Variants in GALNT3 observed in about 807,000 individuals in gnomAD.
The protein encoded by GALNT3 is polypeptide N-acetylgalactosaminyltransferase 3.
In GALNT3, 51 loss-of-function variants were observed where a neutral mutation model predicts 69.8. That is an observed-to-expected ratio of 0.73 (90% CI 0.58 to 0.92). The LOEUF is 0.92. GALNT3 is among the 40% of genes least tolerant of loss of function. The pLI is 0.00. For missense variants in GALNT3, 711 were observed against 760.0 expected (o/e 0.94, Z 0.76); for synonymous variants, 265 against 248.5 (o/e 1.07, Z -0.63).
intron 1 of GALNT3, among the ~76,000 whole-genome samples, chr2:165,778,487 T>G (rs1419263236): frequency 6.6e-6 from 1 of 152,202 alleles, no homozygotes; most frequent in Non-Finnish European, 1.5e-5. Context: ...AACAGGAAAT[T>G]GCCTAGTGGG....
At chr2:165,782,811 T>C (rs1317488553) in intron 1 of GALNT3, among the ~76,000 whole-genome samples, 1 of 152,172 alleles carries the variant, frequency 6.6e-6, no homozygotes, top group Non-Finnish European at 1.5e-5. Context: ...TCTGGGAGTG[T>C]GAATTGACTT....
chr2:165,761,839 T>G, intron 4 of GALNT3, 66 bp downstream of exon 4: 2 of 1,554,770 alleles, frequency 1.3e-6, no homozygotes, highest in East Asian at 4.5e-5. Flanking sequence ...AAAGACTTCC[T>G]TACCTTTTAA....
At chr2:165,788,529 A>G (rs965140073) in intron 1 of GALNT3, among the ~76,000 whole-genome samples, 2 of 150,562 alleles carry the variant, frequency 1.3e-5, no homozygotes, top group Admixed American at 1.3e-4. Context: ...GCAAAAGCAG[A>G]CTATATTTAT....
intron 1 of GALNT3, among the ~76,000 whole-genome samples, chr2:165,786,177 G>C (rs560645808): frequency 5.3e-5 from 8 of 152,270 alleles, no homozygotes; most frequent in African/African-American, 1.7e-4. Flanking sequence ...AGTAGATATT[G>C]CCAAATATTG....
chr2:165,749,796 GGTACATGCCT>G lies in GALNT3; in HGVS notation c.1715_1724del (p.Lys572ThrfsTer28). The G allele has an allele frequency of 6.2e-7, 1 of 1,613,584 alleles. No individual in the cohort carries two copies. The highest frequency in any genetic ancestry group is 8.5e-7 in the Non-Finnish European group (1 of 1,179,604). On this transcript the variant is annotated frameshift_variant, in exon 10 of 11. Coordinates refer to ENST00000392701, the MANE Select transcript of GALNT3 (RefSeq NM_004482.4). LOFTEE classifies it high-confidence loss of function. ...TGACAACTGTCTTGTGACCTTTGTAGGTACATGCCTTCAGCTGAACGAGACCTTGAGCAGC... is the reference window on the plus strand; with the variant it reads ...TGACAACTGTCTTGTGACCTTTGTAGTCAGCTGAACGAGACCTTGAGCAGC...
chr2:165,791,729 A>G (rs918660806), intron 1 of GALNT3, among the ~76,000 whole-genome samples: 2 of 152,200 alleles, frequency 1.3e-5, no homozygotes, highest in African/African-American at 4.8e-5. Flanking sequence ...AAATAATGTT[A>G]TCCACATTGA....
At chr2:165,792,884 T>A (rs1574022830) in intron 1 of GALNT3, among the ~76,000 whole-genome samples, 1 of 152,142 alleles carries the variant, frequency 6.6e-6, no homozygotes, top group Non-Finnish European at 1.5e-5. Context: ...GCAACAGATT[T>A]TCCCACAAGC....
intron 1 of GALNT3, among the ~76,000 whole-genome samples, chr2:165,789,675 C>T (rs1683300790): frequency 6.7e-6 from 1 of 149,430 alleles, no homozygotes; most frequent in African/African-American, 2.5e-5. Context: ...TCAAGATCAG[C>T]CTGGGCAACA....
At chr2:165,751,957 G>T (rs1688364561) in intron 9 of GALNT3, among the ~76,000 whole-genome samples, 1 of 152,168 alleles carries the variant, frequency 6.6e-6, no homozygotes, top group African/African-American at 2.4e-5. Context: ...CAATAGCTGT[G>T]TTAGGGTAAC....
At chr2:165,762,676 G>C (rs1688573286) in intron 3 of GALNT3, among the ~76,000 whole-genome samples, 1 of 152,190 alleles carries the variant, frequency 6.6e-6, no homozygotes, top group Admixed American at 6.5e-5. Context: ...GCAAATTTTA[G>C]TATTGGGTAT....
At chr2:165,793,566 A>G (rs1035324467) in intron 1 of GALNT3, among the ~76,000 whole-genome samples, 2 of 152,194 alleles carry the variant, frequency 1.3e-5, no homozygotes, top group Non-Finnish European at 2.9e-5. Flanking sequence ...TGGCAAAGCC[A>G]TGTCTTTCGC....
At chr2:165,788,316 CAAAAAAAAAAAAAA>C (rs59428597) in intron 1 of GALNT3, among the ~76,000 whole-genome samples, 1 of 49,334 alleles carries the variant, frequency 2.0e-5, no homozygotes, top group Non-Finnish European at 4.6e-5. Flanking sequence ...GACATCACCT[CAAAAAAAAAAAAAA>C]AAAAAAAAGG....
At chr2:165,750,148 GGA>G (rs1688334020) in intron 9 of GALNT3, among the ~76,000 whole-genome samples, 1 of 152,074 alleles carries the variant, frequency 6.6e-6, no homozygotes, top group African/African-American at 2.4e-5. Context: ...AAGTTATCAA[GGA>G]GAGTGGAGGC....
At chr2:165,774,909 C>CTTTTTTTTTTTTTT (rs71031204) in intron 1 of GALNT3, among the ~76,000 whole-genome samples, 7 of 104,328 alleles carry the variant, frequency 6.7e-5, no homozygotes, top group African/African-American at 1.9e-4. Flanking sequence ...CTTCTTCTCT[C>CTTTTTTTTTTTTTT]TTTTTTTTTT....
intron 1 of GALNT3, among the ~76,000 whole-genome samples, chr2:165,774,047 T>C (rs555027961): frequency 6.6e-6 from 1 of 152,106 alleles, no homozygotes; most frequent in Non-Finnish European, 1.5e-5. Flanking sequence ...TCCAGAATAA[T>C]AGGGCAGCAA....
chr2:165,783,601 G>C (rs1683159117), intron 1 of GALNT3, among the ~76,000 whole-genome samples: 1 of 151,858 alleles, frequency 6.6e-6, no homozygotes, highest in African/African-American at 2.4e-5. Context: ...TGCTTTGCTG[G>C]CCATATGGTC....
At chr2:165,764,789 T>C in intron 3 of GALNT3, 95 bp downstream of exon 3, 1 of 1,237,298 alleles carries the variant, frequency 8.1e-7, no homozygotes, top group African/African-American at 1.5e-5. Context: ...ATTCAAGCTC[T>C]GAGATGGCAT....
intron 6 of GALNT3, 159 bp downstream of exon 6, chr2:165,758,588 T>C (rs183165675): frequency 1.7e-6 from 1 of 577,210 alleles, no homozygotes; most frequent in African/African-American, 1.9e-5. Flanking sequence ...AAGTTACATA[T>C]TAAAAGAAAA....
chr2:165,755,067 T>C lies in GALNT3; in HGVS notation c.1393-4A>G, dbSNP rs1165753954. ...TTGAAAGATCACCAAATGCTTTCTG[T>C]AGAAACATGAGAAATGAAGGGAATG... On this transcript the variant is annotated splice_polypyrimidine_tract_variant and splice_region_variant and intron_variant, in intron 7 of 10. Transcript: ENST00000392701. The C allele has an allele frequency of 6.2e-7, 1 of 1,610,246 alleles. No homozygotes were observed.
Sources: allele counts gnomAD v4.1 joint callset (sites outside exome capture counted in the v4.1 genomes callset), GRCh38; gene constraint gnomAD v4.1.1; transcripts MANE v1.5; gene names NCBI Gene and HGNC (gene_info 2026-07-23, HGNC 2026-07-21).